The following RPS6KC1 variants were observed in gnomAD, a reference collection of about 807,000 sequenced individuals.
The protein encoded by RPS6KC1 is ribosomal protein S6 kinase C1, also known as inactive ribosomal protein S6 kinase delta-1.
RPS6KC1 carries 54 observed loss-of-function variants against 103.8 expected under a neutral mutation model. The observed-to-expected ratio is 0.52, with a 90% CI of 0.42 to 0.65. The LOEUF (loss-of-function observed/expected upper bound fraction) is 0.65. Ranked by LOEUF, RPS6KC1 falls within the 30% of genes least tolerant of loss-of-function variation. The pLI, the probability that RPS6KC1 is intolerant of heterozygous loss-of-function variation, is 0.00. For synonymous variants in RPS6KC1, 439 were observed against 438.7 expected (o/e 1.00, Z -0.01); for missense variants, 1,151 against 1,253.8 (o/e 0.92, Z 1.24).
At chr1:213,304,205 C>CAAAA in the RPS6KC1 span, among the ~76,000 whole-genome samples, 13 of 70,524 alleles carry the variant, frequency 1.8e-4, no homozygotes, top group African/African-American at 3.4e-4. Flanking sequence ...GACTCCATCT[C>CAAAA]AAAAAAAAAA....
the RPS6KC1 span, among the ~76,000 whole-genome samples, chr1:213,811,630 G>A: frequency 6.6e-6 from 1 of 152,214 alleles, no homozygotes; most frequent in Non-Finnish European, 1.5e-5. Flanking sequence ...GACCTTAAAG[G>A]AAAGGAAGAG....
At chr1:213,129,165 A>C (rs940308464) in intron 5 of RPS6KC1, among the ~76,000 whole-genome samples, 2 of 152,178 alleles carry the variant, frequency 1.3e-5, no homozygotes, top group African/African-American at 4.8e-5. Context: ...GCTGAGATTC[A>C]AGTGCTTTTT....
At chr1:213,368,390 G>A in the RPS6KC1 span, among the ~76,000 whole-genome samples, 1 of 152,184 alleles carries the variant, frequency 6.6e-6, no homozygotes, top group Non-Finnish European at 1.5e-5. Context: ...ACACGAGAGG[G>A]TAGGTCCTTG....
At chr1:213,558,265 T>C in the RPS6KC1 span, among the ~76,000 whole-genome samples, 8 of 152,200 alleles carry the variant, frequency 5.3e-5, no homozygotes, top group African/African-American at 1.4e-4. Context: ...ATGAAAAAGA[T>C]GTCATGGGTA....
intron 3 of RPS6KC1, 30 bp from the exon 4 acceptor site, chr1:213,104,424 C>G: frequency 7.3e-7 from 1 of 1,375,516 alleles, no homozygotes; most frequent in Non-Finnish European, 1.0e-6. Context: ...ATCATTCTTC[C>G]CTTAAGTGTT....
the RPS6KC1 span, among the ~76,000 whole-genome samples, chr1:213,287,967 A>T: frequency 9.4e-6 from 1 of 106,872 alleles, no homozygotes; most frequent in African/African-American, 2.5e-5. Context: ...TTAATCTTTC[A>T]TAGTAATAGT....
At chr1:213,681,703 C>T in the RPS6KC1 span, among the ~76,000 whole-genome samples, 1 of 152,132 alleles carries the variant, frequency 6.6e-6, no homozygotes, top group East Asian at 1.9e-4. Flanking sequence ...GAAGCTGAGG[C>T]AAGAGTATTG....
the RPS6KC1 span, among the ~76,000 whole-genome samples, chr1:213,717,075 C>A: frequency 6.6e-6 from 1 of 152,122 alleles, no homozygotes; most frequent in Non-Finnish European, 1.5e-5. Flanking sequence ...TTGCTACAGG[C>A]TTGAGGAAGC....
At chr1:213,203,994 A>G (rs2093259280) in intron 8 of RPS6KC1, among the ~76,000 whole-genome samples, 1 of 152,176 alleles carries the variant, frequency 6.6e-6, no homozygotes, top group Admixed American at 6.5e-5. Flanking sequence ...TTCTTCCGCC[A>G]TTTTCCAGTC....
At chr1:213,790,505 T>C in the RPS6KC1 span, among the ~76,000 whole-genome samples, 1 of 151,906 alleles carries the variant, frequency 6.6e-6, no homozygotes, top group Non-Finnish European at 1.5e-5. Context: ...TTTAGAAGAG[T>C]TGTCAACATC....
the RPS6KC1 span, among the ~76,000 whole-genome samples, chr1:213,488,389 G>A: frequency 6.6e-6 from 1 of 152,170 alleles, no homozygotes; most frequent in South Asian, 2.1e-4. Flanking sequence ...AAAGCAAAAA[G>A]CATCCTGCTG....
the RPS6KC1 span, among the ~76,000 whole-genome samples, chr1:213,610,328 G>A: frequency 1.3e-5 from 2 of 152,196 alleles, no homozygotes; most frequent in African/African-American, 4.8e-5. Flanking sequence ...GGTGGAAACT[G>A]ATAAACGACA....
chr1:213,456,845 ATCTGT>A, the RPS6KC1 span, among the ~76,000 whole-genome samples: 33 of 152,176 alleles, frequency 2.2e-4, no homozygotes, highest in African/African-American at 6.5e-4. Flanking sequence ...CCCACAACTG[ATCTGT>A]TCTGTTAAGT....
At chr1:213,627,680 T>C in the RPS6KC1 span, among the ~76,000 whole-genome samples, 1 of 152,342 alleles carries the variant, frequency 6.6e-6, no homozygotes, top group East Asian at 1.9e-4. Context: ...ATTGAGATAA[T>C]CATATGGTTT....
At chr1:213,621,059 C>T in the RPS6KC1 span, among the ~76,000 whole-genome samples, 1 of 152,132 alleles carries the variant, frequency 6.6e-6, no homozygotes, top group Non-Finnish European at 1.5e-5. Context: ...TAACCCTAGC[C>T]CAGGTGCAGA....
chr1:213,808,707 G>A, the RPS6KC1 span, among the ~76,000 whole-genome samples: 233 of 152,350 alleles, frequency 1.5e-3, 1 homozygote, highest in Middle Eastern at 3.4e-3. Context: ...CTAGGAAAGG[G>A]AACTCCCTGA....
At chr1:213,197,071 A>C (rs964167251) in intron 8 of RPS6KC1, among the ~76,000 whole-genome samples, 2 of 152,130 alleles carry the variant, frequency 1.3e-5, no homozygotes, top group Non-Finnish European at 2.9e-5. Flanking sequence ...TCTTGACCTC[A>C]GGCGATCCAC....
chr1:213,553,932 T>C, the RPS6KC1 span, among the ~76,000 whole-genome samples: 1 of 152,170 alleles, frequency 6.6e-6, no homozygotes, highest in Non-Finnish European at 1.5e-5. Context: ...TATTAGACCT[T>C]TATAGGATGC....
At chr1:213,340,188 C>T in the RPS6KC1 span, among the ~76,000 whole-genome samples, 1 of 152,096 alleles carries the variant, frequency 6.6e-6, no homozygotes, top group Non-Finnish European at 1.5e-5. Flanking sequence ...GCTGAGGCTG[C>T]CTGTTTTCAT....
Sources: allele counts gnomAD v4.1 joint callset (sites outside exome capture counted in the v4.1 genomes callset), GRCh38; gene constraint gnomAD v4.1.1; transcripts MANE v1.5; gene names NCBI Gene and HGNC (gene_info 2026-07-23, HGNC 2026-07-21).